The following FAM91A1 variants were observed in gnomAD, a reference collection of about 807,000 sequenced individuals.
FAM91A1 encodes the protein protein FAM91A1.
A neutral mutation model predicts 113.5 loss-of-function variants in FAM91A1; 41 were observed. That is an observed-to-expected ratio of 0.36 (90% CI 0.28 to 0.47). FAM91A1 has a LOEUF of 0.47. Ranked by LOEUF, FAM91A1 falls within the 20% of genes least tolerant of loss-of-function variation. The pLI is 1.00. For synonymous variants in FAM91A1, 307 were observed against 347.9 expected, an observed-to-expected ratio of 0.88 and a Z score of 1.31; for missense variants, 696 against 1,001.2, an observed-to-expected ratio of 0.70 and a Z score of 4.11.
Position 123,812,883 on chromosome 8 carries a change from T to C in FAM91A1, c.*179T>C, listed in dbSNP as rs534956869. 7.6e-5 allele frequency: 41 copies of C among 542,208 alleles called. No individual in the cohort carries two copies. Among genetic ancestry groups the C allele is most frequent in the Non-Finnish European group, 1.0e-4 (34 of 324,446 alleles). 33.6% of individuals were successfully genotyped at this position (542,208 alleles called of 1,614,324 possible). A position where few individuals can be genotyped will look rare whatever the true frequency, so the allele number is the denominator to read the frequency against. ...GTTTTGCTCATTATTGCACATCTTA[T>C]TGCGACAAAGTGCTTTTTAGCAGCC... On this transcript the variant is annotated 3_prime_UTR_variant, in exon 24 of 24. Coordinates refer to ENST00000334705, the MANE Select transcript of FAM91A1 (RefSeq NM_144963.4).
Position 123,779,970 on chromosome 8 carries a change from T to C in FAM91A1, c.550-15T>C, listed in dbSNP as rs1176312902. The C allele has an allele frequency of 1.2e-6, 2 of 1,605,872 alleles. No individual in the cohort carries two copies. Among genetic ancestry groups the C allele is most frequent in the Admixed American group, 3.4e-5 (2 of 58,456 alleles). The stretch of plus-strand genomic sequence containing the variant: ...TTTGGACAGAACTTAATTAAAAATA[T>C]TTTGCTTTTCTTAGATATGCACTTT... On this transcript the variant is annotated splice_polypyrimidine_tract_variant and intron_variant, in intron 6 of 23. Transcript: ENST00000334705.
chr8:123,780,685 G>T, intron 8 of FAM91A1, 143 bp downstream of exon 8: 1 of 597,868 alleles, frequency 1.7e-6, no homozygotes, highest in Non-Finnish European at 2.7e-6. Flanking sequence ...ATAGTACATT[G>T]GTTTTACTTA....
chr8:123,812,298 T>C, intron 23 of FAM91A1: 1 of 379,148 alleles, frequency 2.6e-6, no homozygotes, highest in African/African-American at 2.1e-5. Flanking sequence ...TATTTCTATT[T>C]AAAAGGACTT....
intron 1 of FAM91A1, among the ~76,000 whole-genome samples, chr8:123,770,793 T>C (rs1226629995): frequency 6.6e-6 from 1 of 152,196 alleles, no homozygotes; most frequent in Admixed American, 6.5e-5. Context: ...ATTAAGTATG[T>C]TTTTGTTTTT....
At position 123,799,831 on chromosome 8, in the gene FAM91A1, A is replaced by C. The variant is rs757274086; in HGVS notation, c.1755A>C (p.Ser585=). Residue 585 remains serine, a synonymous_variant, in exon 18 of 24, where the codon TCA becomes TCC. Coordinates refer to ENST00000334705, the MANE Select transcript of FAM91A1 (RefSeq NM_144963.4). ...ATGATCCTGGAGTAGTTCCTACCTCAAATGTGCTCACGATGTTGAATGATG... is the reference window on the plus strand; with the variant it reads ...ATGATCCTGGAGTAGTTCCTACCTCCAATGTGCTCACGATGTTGAATGATG... ...WGHDPGVVPT[S]NVLTMLNDAL... 14 of 1,609,600 alleles carry C rather than the reference A, an allele frequency of 8.7e-6. No homozygotes were observed. Among genetic ancestry groups the C allele is most frequent in the Non-Finnish European group, 1.1e-5 (13 of 1,176,524 alleles).
At chr8:123,777,938 G>C in intron 4 of FAM91A1, 87 bp from the exon 5 acceptor site, 1 of 1,126,690 alleles carries the variant, frequency 8.9e-7, no homozygotes, top group Middle Eastern at 2.8e-4. Context: ...ATGAAAATAA[G>C]CTCGGGTTTT....
At chr8:123,788,802 A>G (rs1281699660) in intron 14 of FAM91A1, among the ~76,000 whole-genome samples, 2 of 152,078 alleles carry the variant, frequency 1.3e-5, no homozygotes, top group African/African-American at 2.4e-5. Flanking sequence ...TCATAAATCT[A>G]TGTTCTTTTT....
At chr8:123,798,050 T>A (rs1815576013) in intron 15 of FAM91A1, 40 bp from the exon 16 acceptor site, 2 of 1,548,298 alleles carry the variant, frequency 1.3e-6, no homozygotes, top group Non-Finnish European at 8.7e-7. Flanking sequence ...TTTCACACTC[T>A]CAGTCTTTTA....
In FAM91A1 at chr8:123,768,603, G is replaced by A. The variant is rs1814761546; in HGVS notation, c.-100G>A. 3 of 1,060,512 alleles carry A rather than the reference G, an allele frequency of 2.8e-6. No homozygotes were observed. Among genetic ancestry groups the A allele is most frequent in the Admixed American group, 3.0e-5 (1 of 33,352 alleles). The allele number at this position is 1,060,512 out of a possible 1,614,324, so 65.7% of individuals were successfully genotyped here. On this transcript the variant is annotated 5_prime_UTR_variant, in exon 1 of 24. Transcript: ENST00000334705. ...GGCCTTCTGCAGTGTGAGGCGCGGG[G>A]CCTCCCGCGTCGCTCCGCTGACAGG... is the stretch of plus-strand genomic sequence containing the variant.
chr8:123,792,654 TCTTTAGACTTC>T (rs1405492658), intron 15 of FAM91A1, among the ~76,000 whole-genome samples: 4 of 152,210 alleles, frequency 2.6e-5, no homozygotes, highest in Non-Finnish European at 5.9e-5. Flanking sequence ...CACCATGAAC[TCTTTAGACTTC>T]CTACTTTCCC....
intron 1 of FAM91A1, 84 bp from the exon 2 acceptor site, chr8:123,773,996 G>A (rs1447877877): frequency 8.0e-6 from 8 of 997,360 alleles, no homozygotes; most frequent in Admixed American, 2.5e-5. Context: ...AATGGGGGTC[G>A]TGGTTTTAAA....
chr8:123,780,575 T>G, intron 8 of FAM91A1, 33 bp downstream of exon 8: 1 of 1,561,306 alleles, frequency 6.4e-7, no homozygotes, highest in East Asian at 2.3e-5. Context: ...CACTGTTTTT[T>G]GAATGGATAT....
At chr8:123,784,750 T>G (rs1391343007) in intron 9 of FAM91A1, 174 bp downstream of exon 9, 3 of 447,766 alleles carry the variant, frequency 6.7e-6, no homozygotes, top group African/African-American at 6.2e-5. Flanking sequence ...ATATTAAAAT[T>G]TAAGTTAATA....
chr8:123,792,499 A>G (rs985292314), intron 15 of FAM91A1, among the ~76,000 whole-genome samples: 3 of 152,082 alleles, frequency 2.0e-5, no homozygotes, highest in Non-Finnish European at 4.4e-5. Flanking sequence ...TTAAAAGGAC[A>G]TTGTTTAACT....
intron 3 of FAM91A1, among the ~76,000 whole-genome samples, chr8:123,777,001 A>G (rs1361405185): frequency 6.6e-6 from 1 of 152,196 alleles, no homozygotes; most frequent in Non-Finnish European, 1.5e-5. Context: ...TAGCTTCCAC[A>G]GGGCAGAGGT....
chr8:123,808,142 C>A lies in FAM91A1; in HGVS notation c.2033-130C>A, dbSNP rs1434234505. 4.3e-6 allele frequency: 3 copies of A among 704,048 alleles called. No homozygotes were observed. In the African/African-American group the frequency reaches 5.5e-5, roughly 13 times the overall value. The allele number at this position is 704,048 out of a possible 1,614,324, so 43.6% of individuals were successfully genotyped here. On this transcript the variant is annotated intron_variant, in intron 20 of 23. Coordinates refer to ENST00000334705, the MANE Select transcript of FAM91A1 (RefSeq NM_144963.4). ...CCCTGTTTAAAACCACTTATTTAAG[C>A]CAAGGATTATGCATTTTCTTTCTGT... is the stretch of plus-strand genomic sequence containing the variant.
At chr8:123,797,829 G>A (rs1355829758) in intron 15 of FAM91A1, among the ~76,000 whole-genome samples, 3 of 151,960 alleles carry the variant, frequency 2.0e-5, no homozygotes, top group Non-Finnish European at 4.4e-5. Context: ...GAGGAAGTAC[G>A]GTAAAACAAG....
intron 23 of FAM91A1, 58 bp from the exon 24 acceptor site, chr8:123,812,461 T>C (rs955298588): frequency 7.7e-6 from 11 of 1,430,312 alleles, no homozygotes; most frequent in Non-Finnish European, 8.5e-6. Context: ...TCATTAGTTA[T>C]ATTAAGTGGT....
intron 11 of FAM91A1, 107 bp downstream of exon 11, chr8:123,785,848 C>G: frequency 1.5e-6 from 1 of 678,558 alleles, no homozygotes; most frequent in Non-Finnish European, 2.3e-6. Flanking sequence ...GACAAAGTCT[C>G]TCTCTGTCAT....
Sources: allele counts gnomAD v4.1 joint callset (sites outside exome capture counted in the v4.1 genomes callset), GRCh38; gene constraint gnomAD v4.1.1; transcripts MANE v1.5; gene names NCBI Gene and HGNC (gene_info 2026-07-23, HGNC 2026-07-21).